GLOD4: variants seen among roughly 807,000 people sequenced by gnomAD.
GLOD4 encodes glyoxalase domain-containing protein 4.
GLOD4 carries 44 observed loss-of-function variants against 39.1 expected under a neutral mutation model. That is an observed-to-expected ratio of 1.13 (90% CI 0.88 to 1.45). The LOEUF (loss-of-function observed/expected upper bound fraction) is 1.45. GLOD4 is among the 40% of genes most tolerant of loss of function. The pLI is 0.00. For missense variants in GLOD4, 405 were observed against 366.4 expected (o/e 1.11, Z -0.86); for synonymous variants, 145 against 135.0 (o/e 1.07, Z -0.52).
chr17:771,532 A>G (rs1438657484), intron 4 of GLOD4, 71 bp from the exon 5 acceptor site: 2 of 820,960 alleles, frequency 2.4e-6, no homozygotes, highest in Non-Finnish European at 3.7e-6. Context: ...AAACATGCGC[A>G]TGTATACTTA....
rs115219402 is a variant in GLOD4 at position 778,230 on chromosome 17, G to A, written c.140+465C>T. 1,204 of 230,156 alleles carry A rather than the reference G, an allele frequency of 5.2e-3. 15 individuals carry two copies. Among genetic ancestry groups the A allele is most frequent in the African/African-American group, 0.025 (1,105 of 44,294 alleles). The allele number at this position is 230,156 out of a possible 1,614,324, so 14.3% of individuals were successfully genotyped here. ...CTATCAAACCCAAGGAAGCAGGAGC[G>A]GGAGCCCTGACTTGTAGTTGGTCAT... On this transcript the variant is annotated intron_variant, in intron 2 of 8. Transcript: ENST00000301329.
At chr17:770,883 C>A in intron 5 of GLOD4, 1 of 207,718 alleles carries the variant, frequency 4.8e-6, no homozygotes, top group South Asian at 9.6e-5. Flanking sequence ...CACTGAAATT[C>A]TTACACATTG....
At chr17:760,855 G>A (rs1324039076) in intron 8 of GLOD4, among the ~76,000 whole-genome samples, 1 of 152,182 alleles carries the variant, frequency 6.6e-6, no homozygotes, top group Non-Finnish European at 1.5e-5. Context: ...TGGAGGCTGA[G>A]GCCAGAGGAT....
At chr17:785,367 A>G (rs1011421431), upstream of GLOD4, among the ~76,000 whole-genome samples, 4 of 151,960 alleles carry the variant, frequency 2.6e-5, no homozygotes, top group Admixed American at 2.6e-4. Context: ...TTTCCATAAA[A>G]CTTTAGAGAT....
intron 8 of GLOD4, among the ~76,000 whole-genome samples, chr17:765,690 C>T (rs528778254): frequency 1.1e-4 from 17 of 151,446 alleles, no homozygotes; most frequent in Admixed American, 5.3e-4. Flanking sequence ...GTGATCCGCC[C>T]GCCTCGGCCT....
At position 763,162 on chromosome 17, in the gene GLOD4, G is replaced by A. The variant is rs182530487; in HGVS notation, c.832-2924C>T. Among the ~76,000 whole-genome samples, 160 of 139,762 alleles carry A rather than the reference G, an allele frequency of 1.1e-3. 2 individuals are homozygous for A. The East Asian group carries it at 0.03, about 26-fold the overall frequency. The allele number at this position is 139,762 out of a possible 152,430, so 91.7% of individuals were successfully genotyped here. ...CACGCCACTGCACTCCAGCCTGGGCGACAGAGCGAGACTCCGTCTAAAAAA... is the reference window on the plus strand; with the variant it reads ...CACGCCACTGCACTCCAGCCTGGGCAACAGAGCGAGACTCCGTCTAAAAAA... On this transcript the variant is annotated intron_variant, in intron 8 of 8. Transcript: ENST00000301329.
intron 8 of GLOD4, among the ~76,000 whole-genome samples, chr17:767,906 C>T (rs2467247): frequency 0.047 from 6,253 of 133,380 alleles, 229 homozygotes; most frequent in South Asian, 0.14. Context: ...AGAAACAGCG[C>T]GCACTCAGAT....
chr17:782,051 C>T (rs1311813427), intron 1 of GLOD4, 115 bp downstream of exon 1: 3 of 709,300 alleles, frequency 4.2e-6, no homozygotes, highest in Non-Finnish European at 7.0e-6. Flanking sequence ...GGCCTAAGGT[C>T]GGACACCCTC....
rs112143502 is a variant in GLOD4, at chr17:779,439, A to G, written c.91-695T>C. ...GAGGTCGGGAGTTCGAGACCAGCCTAGCCAACACAGTGAAACCCCATCTCT... is the reference window on the plus strand; with the variant it reads ...GAGGTCGGGAGTTCGAGACCAGCCTGGCCAACACAGTGAAACCCCATCTCT... On this transcript the variant is annotated intron_variant, in intron 1 of 8. Coordinates refer to ENST00000301329, the MANE Select transcript of GLOD4 (RefSeq NM_016080.4). Among the ~76,000 whole-genome samples, 354 of 149,710 alleles carry G rather than the reference A, an allele frequency of 2.4e-3. 2 individuals are homozygous for G. Among genetic ancestry groups the G allele is most frequent in the African/African-American group, 8.2e-3 (336 of 40,868 alleles).
intron 8 of GLOD4, among the ~76,000 whole-genome samples, chr17:768,727 G>C (rs1209333630): frequency 1.5e-5 from 2 of 135,438 alleles, no homozygotes; most frequent in African/African-American, 5.7e-5. Flanking sequence ...GGACGTGAGA[G>C]AGAGAAACAG....
At chr17:775,473 C>G (rs1425396292) in intron 4 of GLOD4, among the ~76,000 whole-genome samples, 1 of 152,152 alleles carries the variant, frequency 6.6e-6, no homozygotes, top group Non-Finnish European at 1.5e-5. Flanking sequence ...CTATAGAATG[C>G]CTGCTCTGTG....
rs756156314 is a variant in GLOD4, at chr17:760,167, C to G, written c.*6G>C. On this transcript the variant is annotated 3_prime_UTR_variant, in exon 9 of 9. Coordinates refer to ENST00000301329, the MANE Select transcript of GLOD4 (RefSeq NM_016080.4). ...CACAGAGGCTTGCTCTGCATCATGT[C>G]TTCCGTTAACCTGAAGCTTTGGGTT... 3.8e-6 allele frequency: 6 copies of G among 1,562,420 alleles called. No individual in the cohort carries two copies. Among genetic ancestry groups the G allele is most frequent in the Non-Finnish European group, 4.4e-6 (5 of 1,132,886 alleles).
chr17:769,911 T>A lies in GLOD4; in HGVS notation c.789A>T (p.Glu263Asp). 12 of 1,611,332 alleles carry A rather than the reference T, an allele frequency of 7.4e-6. 1 individual carries two copies. Among genetic ancestry groups the A allele is most frequent in the South Asian group, 6.6e-5 (6 of 91,020 alleles). The change falls in exon 8 of 9, where the codon GAA (glutamate) becomes GAT (aspartate). Residue 263 changes from glutamate (E) to aspartate (D), a missense_variant. Coordinates refer to ENST00000301329, the MANE Select transcript of GLOD4 (RefSeq NM_016080.4). ...ICFVGDEAFR[E>D]LSKMDPEGSK... is the part of the protein sequence containing the mutation. ...TTCCCTCTGGATCCATCTTAGAAAG[T>A]TCTCGAAATGCTTCATCCCCGACAA...
chr17:772,528 T>A lies in GLOD4; in HGVS notation c.407-1067A>T, dbSNP rs756061313. Among the ~76,000 whole-genome samples the A allele has an allele frequency of 2.0e-5, 3 of 151,968 alleles. No individual in the cohort carries two copies. The South Asian group carries it at 6.2e-4, about 31-fold the overall frequency. On this transcript the variant is annotated intron_variant, in intron 4 of 8. Coordinates refer to ENST00000301329, the MANE Select transcript of GLOD4 (RefSeq NM_016080.4). ...CAAGAAAAGGAATTACAATCAAAAC[T>A]AGAGTATACAACACAGTAGGGGGAA...
chr17:769,587 C>T (rs570035730), intron 8 of GLOD4, among the ~76,000 whole-genome samples: 5 of 151,238 alleles, frequency 3.3e-5, no homozygotes, highest in South Asian at 4.2e-4. Context: ...CTGAGGGGGT[C>T]GGATAGAGGC....
At chr17:783,271 T>G, upstream of GLOD4, 1 of 1,613,730 alleles carries the variant, frequency 6.2e-7, no homozygotes, top group Non-Finnish European at 8.5e-7. Flanking sequence ...CTCATTAAGG[T>G]GAAATTTGAG....
chr17:782,152 GC>G lies in GLOD4; in HGVS notation c.90+13del. Reference sequence around the variant, plus strand: ...CAGCCTCGCGCGCCAGCCCCTGTCGGCCCCGGCCTGCACCTTCATCCCCAGG... The same window carrying G: ...CAGCCTCGCGCGCCAGCCCCTGTCGGCCCGGCCTGCACCTTCATCCCCAGG... On this transcript the variant is annotated intron_variant, in intron 1 of 8. Transcript: ENST00000301329. 1 of 1,578,188 alleles carries G rather than the reference GC, an allele frequency of 6.3e-7. No individual in the cohort carries two copies. The highest frequency in any genetic ancestry group is 8.6e-7 in the Non-Finnish European group (1 of 1,157,134).
intron 4 of GLOD4, among the ~76,000 whole-genome samples, chr17:773,062 CTT>C (rs1362470165): frequency 2.0e-5 from 3 of 152,002 alleles, no homozygotes; most frequent in Admixed American, 2.0e-4. Context: ...ACATAAAATC[CTT>C]TGTTAACTAA....
intron 1 of GLOD4, among the ~76,000 whole-genome samples, chr17:781,296 G>T (rs912785479): frequency 3.3e-5 from 5 of 152,128 alleles, no homozygotes; most frequent in African/African-American, 1.2e-4. Context: ...TTCTGCTATC[G>T]AAAGTTTGGT....
Sources: allele counts gnomAD v4.1 joint callset (sites outside exome capture counted in the v4.1 genomes callset), GRCh38; gene constraint gnomAD v4.1.1; transcripts MANE v1.5; gene names NCBI Gene and HGNC (gene_info 2026-07-23, HGNC 2026-07-21).